XRCC2: variants seen among roughly 807,000 people sequenced by gnomAD.
The protein encoded by XRCC2 is DNA repair protein XRCC2.
A neutral mutation model predicts 27.3 loss-of-function variants in XRCC2; 24 were observed. The ratio of observed to expected loss-of-function variants is 0.88; its 90% CI spans 0.64 to 1.24. The LOEUF is 1.24. Ranked by LOEUF, XRCC2 falls within the 50% of genes most tolerant of loss-of-function variation. The pLI is 0.00. For missense variants in XRCC2, 321 were observed against 325.8 expected (o/e 0.99, Z 0.11); for synonymous variants, 106 against 115.4 (o/e 0.92, Z 0.52).
At chr7:152,670,856 G>T (rs985362440) in intron 1 of XRCC2, among the ~76,000 whole-genome samples, 6 of 152,170 alleles carry the variant, frequency 3.9e-5, no homozygotes, top group African/African-American at 1.4e-4. Flanking sequence ...CTCCCAAAGT[G>T]CTGGGATTAC....
chr7:152,658,666 T>G (rs543609456), intron 2 of XRCC2, among the ~76,000 whole-genome samples: 2 of 151,980 alleles, frequency 1.3e-5, no homozygotes, highest in South Asian at 4.2e-4. Context: ...AAACTGCATA[T>G]AAGTGGAATC....
At position 152,676,094 on chromosome 7, in the gene XRCC2, G is replaced by A; in HGVS notation, c.-15C>T. The A allele has an allele frequency of 2.5e-6, 4 of 1,613,732 alleles. No homozygotes were observed. The highest frequency in any genetic ancestry group is 3.4e-6 in the Non-Finnish European group (4 of 1,179,792). ...GCACTACACATCGCCCCGAAGGCTC[G>A]GCGCAGGAGAGACTCAACTTTCCCG... is the stretch of plus-strand genomic sequence containing the variant. On this transcript the variant is annotated 5_prime_UTR_variant, in exon 1 of 3. Coordinates refer to ENST00000359321, the MANE Select transcript of XRCC2 (RefSeq NM_005431.2).
intron 2 of XRCC2, among the ~76,000 whole-genome samples, chr7:152,658,556 TCCCATTTTGCA>T (rs2098031736): frequency 6.6e-6 from 1 of 152,208 alleles, no homozygotes; most frequent in African/African-American, 2.4e-5. Context: ...CTTGCAAAAC[TCCCATTTTGCA>T]CCCATTAAAC....
intron 1 of XRCC2, among the ~76,000 whole-genome samples, chr7:152,668,984 T>C (rs892567808): frequency 1.3e-5 from 2 of 152,182 alleles, no homozygotes; most frequent in Admixed American, 6.5e-5. Context: ...TCTCTGTGAT[T>C]CTCAAAGCCT....
At chr7:152,674,909 C>T (rs947750115) in intron 1 of XRCC2, among the ~76,000 whole-genome samples, 3 of 151,456 alleles carry the variant, frequency 2.0e-5, no homozygotes, top group Non-Finnish European at 4.4e-5. Flanking sequence ...TTTATTGGAA[C>T]GCTGCCATGT....
chr7:152,672,653 C>T (rs2098038633), intron 1 of XRCC2, among the ~76,000 whole-genome samples: 1 of 152,132 alleles, frequency 6.6e-6, no homozygotes, highest in African/African-American at 2.4e-5. Context: ...TTAGAAAATT[C>T]CTGGAAGAAT....
In XRCC2 at chr7:152,676,094, G is replaced by T. The variant is rs1056607909; in HGVS notation, c.-15C>A. 1 of 1,613,732 alleles carries T rather than the reference G, an allele frequency of 6.2e-7. No individual in the cohort carries two copies. Among genetic ancestry groups the T allele is most frequent in the African/African-American group, 1.3e-5 (1 of 75,054 alleles). ...GCACTACACATCGCCCCGAAGGCTCGGCGCAGGAGAGACTCAACTTTCCCG... is the reference window on the plus strand; with the variant it reads ...GCACTACACATCGCCCCGAAGGCTCTGCGCAGGAGAGACTCAACTTTCCCG... On this transcript the variant is annotated 5_prime_UTR_variant, in exon 1 of 3. Coordinates refer to ENST00000359321, the MANE Select transcript of XRCC2 (RefSeq NM_005431.2).
intron 1 of XRCC2, among the ~76,000 whole-genome samples, chr7:152,671,424 AAAAAT>A (rs2098038131): frequency 6.6e-6 from 1 of 152,198 alleles, no homozygotes; most frequent in South Asian, 2.1e-4. Flanking sequence ...AACAGAAACA[AAAAAT>A]AAAACCAAAA....
Position 152,648,992 on chromosome 7 carries a change from T to C in XRCC2, c.493A>G (p.Ser165Gly), listed in dbSNP as rs2098027329. 1 of 1,614,116 alleles carries C rather than the reference T, an allele frequency of 6.2e-7. No homozygotes were observed. The highest frequency in any genetic ancestry group is 1.3e-5 in the African/African-American group (1 of 74,940). ...YWIDRVNGGE[S>G]VNLQESTLRK... ...AGAGTAGACTCCTGTAAGTTCACAC[T>C]TTCTCCTCCATTGACGCGGTCTATC... The change falls in exon 3 of 3, where the codon AGT becomes GGT. Residue 165 changes from serine to glycine, a missense_variant. Transcript: ENST00000359321.
chr7:152,652,512 T>A (rs952109346), intron 2 of XRCC2, among the ~76,000 whole-genome samples: 1 of 152,130 alleles, frequency 6.6e-6, no homozygotes, highest in African/African-American at 2.4e-5. Flanking sequence ...CTGCATGCCT[T>A]AAAGAGGCTG....
intron 2 of XRCC2, among the ~76,000 whole-genome samples, chr7:152,656,354 T>G (rs1345862244): frequency 1.3e-5 from 2 of 152,098 alleles, no homozygotes; most frequent in South Asian, 2.1e-4. Context: ...TGAAACCCCA[T>G]CTCTACTAAA....
At chr7:152,654,067 G>A (rs888319754) in intron 2 of XRCC2, among the ~76,000 whole-genome samples, 7 of 151,790 alleles carry the variant, frequency 4.6e-5, no homozygotes, top group South Asian at 2.1e-4. Context: ...ATGGTGGCAC[G>A]TGCCTGTAAT....
intron 2 of XRCC2, among the ~76,000 whole-genome samples, chr7:152,653,607 G>A (rs1367713005): frequency 1.4e-5 from 2 of 140,764 alleles, no homozygotes; most frequent in Non-Finnish European, 3.1e-5. Flanking sequence ...CCACAGGTGT[G>A]TGCCACCACA....
intron 2 of XRCC2, among the ~76,000 whole-genome samples, chr7:152,655,493 GAGCCC>G (rs2098030333): frequency 6.6e-6 from 1 of 152,172 alleles, no homozygotes; most frequent in Admixed American, 6.5e-5. Flanking sequence ...CAGATGGCTT[GAGCCC>G]AGGAGTTCAA....
intron 2 of XRCC2, among the ~76,000 whole-genome samples, chr7:152,659,762 T>C (rs1237573328): frequency 6.6e-6 from 1 of 151,506 alleles, no homozygotes; most frequent in Non-Finnish European, 1.5e-5. Context: ...AAATGTAGAA[T>C]TGCCATATGA....
intron 1 of XRCC2, among the ~76,000 whole-genome samples, chr7:152,674,401 C>G (rs1486602084): frequency 2.0e-5 from 3 of 152,086 alleles, no homozygotes; most frequent in East Asian, 3.9e-4. Flanking sequence ...CACCTGAGGT[C>G]AGGAGTTCGA....
At chr7:152,674,375 G>C (rs775526354) in intron 1 of XRCC2, among the ~76,000 whole-genome samples, 1 of 152,040 alleles carries the variant, frequency 6.6e-6, no homozygotes, top group African/African-American at 2.4e-5. Flanking sequence ...CAGCACTCTG[G>C]GAGGCTGAGG....
In XRCC2 at chr7:152,648,618, CA is replaced by C. The variant is rs771932333; in HGVS notation, c.*23del. 7.7e-6 allele frequency: 12 copies of C among 1,561,226 alleles called. No homozygotes were observed. The highest frequency in any genetic ancestry group is 1.0e-5 in the Non-Finnish European group (12 of 1,159,698). ...ATTTTAAGGCTTGCGTAGTACCCTG[CA>C]AAAGACTATTTTATGATGTATATCA... On this transcript the variant is annotated 3_prime_UTR_variant, in exon 3 of 3. Coordinates refer to ENST00000359321, the MANE Select transcript of XRCC2 (RefSeq NM_005431.2).
At chr7:152,673,854 C>T (rs566673519) in intron 1 of XRCC2, among the ~76,000 whole-genome samples, 2 of 152,126 alleles carry the variant, frequency 1.3e-5, no homozygotes, top group South Asian at 2.1e-4. Context: ...CCAGCCTGGG[C>T]GACAGAGTGA....
Sources: gnomAD v4.1 joint callset for allele counts (sites outside exome capture counted in the v4.1 genomes callset) on GRCh38, gnomAD v4.1.1 for gene constraint, MANE v1.5 for transcripts, NCBI Gene and HGNC (gene_info 2026-07-23, HGNC 2026-07-21) for gene names.